Variants in SHROOM4 observed in about 807,000 individuals in gnomAD.
SHROOM4 encodes shroom family member 4.
SHROOM4 carries 17 observed loss-of-function variants against 80.3 expected under a neutral mutation model. That is an observed-to-expected ratio of 0.21 (90% confidence interval 0.14 to 0.32). The LOEUF (loss-of-function observed/expected upper bound fraction) is 0.32, where lower values mean the gene tolerates loss of function less well. Ranked by LOEUF, SHROOM4 falls within the 10% of genes least tolerant of loss-of-function variation. SHROOM4 has a pLI of 1.00. For synonymous variants in SHROOM4, 400 were observed against 437.5 expected (o/e 0.91, Z 1.07); for missense variants, 993 against 1,140.3 (o/e 0.87, Z 1.86).
intron 1 of SHROOM4, among the ~76,000 whole-genome samples, chrX:50,806,420 T>C (rs1026470003): frequency 1.5e-4 from 17 of 112,186 alleles, no homozygotes; most frequent in African/African-American, 5.5e-4. Context: ...GAAGAATGGA[T>C]CATCCGTTGC....
At chrX:50,641,555 GT>G (rs1413133534) in intron 2 of SHROOM4, among the ~76,000 whole-genome samples, 5 of 111,165 alleles carry the variant, frequency 4.5e-5, no homozygotes, top group African/African-American at 1.6e-4. Flanking sequence ...CACTGTTGAG[GT>G]TCTACTGTAC....
chrX:50,779,637 A>G (rs1935581286), intron 1 of SHROOM4, among the ~76,000 whole-genome samples: 1 of 111,610 alleles, frequency 9.0e-6, no homozygotes, highest in Non-Finnish European at 1.9e-5. Context: ...ATGTACAGAT[A>G]TTCCTAAGCT....
At chrX:50,626,731 A>G (rs1930821314) in intron 5 of SHROOM4, among the ~76,000 whole-genome samples, 1 of 111,977 alleles carries the variant, frequency 8.9e-6, no homozygotes, top group Admixed American at 9.5e-5. Context: ...GATAAAGCAT[A>G]AGATAATATG....
chrX:50,609,892 T>C (rs1294687555), intron 5 of SHROOM4, among the ~76,000 whole-genome samples: 1 of 110,904 alleles, frequency 9.0e-6, no homozygotes, highest in African/African-American at 3.3e-5. Flanking sequence ...AACTTCTGTA[T>C]AATAAACACT....
At chrX:50,682,397 C>T (rs1307328402) in intron 2 of SHROOM4, among the ~76,000 whole-genome samples, 1 of 111,629 alleles carries the variant, frequency 9.0e-6, no homozygotes, top group African/African-American at 3.3e-5. Flanking sequence ...ACTGCCCTTG[C>T]CTGGCATACA....
chrX:50,808,826 G>A (rs991106330), intron 1 of SHROOM4, among the ~76,000 whole-genome samples: 9 of 110,626 alleles, frequency 8.1e-5, no homozygotes, highest in African/African-American at 2.6e-4. Context: ...TTTGGAGAGG[G>A]AAAATCCTCT....
At chrX:50,699,084 A>C (rs1557263332) in intron 1 of SHROOM4, among the ~76,000 whole-genome samples, 1 of 112,028 alleles carries the variant, frequency 8.9e-6, no homozygotes, top group African/African-American at 3.2e-5. Context: ...TTTCAGTTGA[A>C]GTGTTGTGAA....
In SHROOM4 at chrX:50,791,344, C is replaced by A. The variant is rs1170792409; in HGVS notation, c.117+22558G>T. On this transcript the variant is annotated intron_variant, in intron 1 of 8. Transcript: ENST00000376020. ...AATAAGACATTCATGCTAATGAATG[C>A]AAGACTTATTGTTAAAATGTCCATA... 2.7e-5 allele frequency among the ~76,000 whole-genome samples: 3 copies of A among 110,711 alleles called. 1 individual carries two copies. Among genetic ancestry groups the A allele is most frequent in the Admixed American group, 9.6e-5 (1 of 10,446 alleles).
At chrX:50,602,391 C>G (rs1929468813) in intron 7 of SHROOM4, among the ~76,000 whole-genome samples, 2 of 111,090 alleles carry the variant, frequency 1.8e-5, no homozygotes, top group African/African-American at 6.6e-5. Flanking sequence ...CGTGCCCAGC[C>G]CTTGTTGGGT....
the SHROOM4 span, among the ~76,000 whole-genome samples, chrX:50,581,786 A>G: frequency 8.9e-6 from 1 of 111,906 alleles, no homozygotes; most frequent in Non-Finnish European, 1.9e-5. Flanking sequence ...ACACTACTGA[A>G]ACCATGCAAA....
intron 1 of SHROOM4, among the ~76,000 whole-genome samples, chrX:50,813,498 G>A (rs1936392768): frequency 1.8e-5 from 2 of 112,552 alleles, no homozygotes; most frequent in South Asian, 7.3e-4. Context: ...TGCCAAGAGA[G>A]CTGCCAAGCC....
rs1457808382 is a variant in SHROOM4, at chrX:50,588,952, C to T, written c.*7743G>A. ...AAATTGGTAGAATCAGGATTTAAAA[C>T]TTGGTTTATTTGCCCAATGAGCCGA... On this transcript the variant is annotated 3_prime_UTR_variant, in exon 9 of 9. Coordinates refer to ENST00000376020, the MANE Select transcript of SHROOM4 (RefSeq NM_020717.5). 8.9e-6 allele frequency among the ~76,000 whole-genome samples: 1 copy of T among 111,889 alleles called. No individual in the cohort carries two copies. The highest frequency in any genetic ancestry group is 3.2e-5 in the African/African-American group (1 of 30,827).
At chrX:50,621,841 T>C (rs782605263) in intron 5 of SHROOM4, among the ~76,000 whole-genome samples, 1 of 111,596 alleles carries the variant, frequency 9.0e-6, no homozygotes, top group African/African-American at 3.3e-5. Context: ...AGGAACTCTG[T>C]ACCGGGTATT....
In SHROOM4 at chrX:50,807,901, T is replaced by A. The variant is rs147344444; in HGVS notation, c.117+6001A>T. On this transcript the variant is annotated intron_variant, in intron 1 of 8. Coordinates refer to ENST00000376020, the MANE Select transcript of SHROOM4 (RefSeq NM_020717.5). ...TTTGACACAGGGCCTTGGTATGACA[T>A]GGCCGCCAGAAAGAGCCAAAGTGAT... is the stretch of plus-strand genomic sequence containing the variant. Among the ~76,000 whole-genome samples the A allele has an allele frequency of 4.9e-3, 547 of 111,846 alleles. 3 individuals carry two copies. The highest frequency in any genetic ancestry group is 0.017 in the African/African-American group (519 of 30,745).
chrX:50,672,701 G>A (rs1489913830), intron 2 of SHROOM4, among the ~76,000 whole-genome samples: 3 of 110,848 alleles, frequency 2.7e-5, no homozygotes, highest in Non-Finnish European at 3.8e-5. Context: ...AATCCCAACA[G>A]GATAAACCCA....
intron 5 of SHROOM4, among the ~76,000 whole-genome samples, chrX:50,618,678 G>C (rs782655447): frequency 2.2e-4 from 25 of 111,488 alleles, no homozygotes; most frequent in African/African-American, 8.2e-4. Flanking sequence ...GTGAGCCACC[G>C]CACCCAGTCG....
chrX:50,655,451 C>CT (rs1351994540), intron 2 of SHROOM4, among the ~76,000 whole-genome samples: 2 of 106,608 alleles, frequency 1.9e-5, no homozygotes, highest in Admixed American at 1.0e-4. Flanking sequence ...GGATTTCCTT[C>CT]TTTTTTATGG....
chrX:50,665,915 T>A (rs1442464966), intron 2 of SHROOM4, among the ~76,000 whole-genome samples: 1 of 111,681 alleles, frequency 9.0e-6, no homozygotes, highest in South Asian at 3.8e-4. Context: ...TCATTCTGGA[T>A]TGAAATCCCT....
At chrX:50,697,796 G>GA (rs1272359052) in intron 1 of SHROOM4, among the ~76,000 whole-genome samples, 2 of 111,027 alleles carry the variant, frequency 1.8e-5, no homozygotes, top group East Asian at 2.8e-4. Context: ...CTACCGCCAA[G>GA]AAAAAAAGAG....
Sources: gnomAD v4.1 joint callset for allele counts (sites outside exome capture counted in the v4.1 genomes callset) on GRCh38, gnomAD v4.1.1 for gene constraint, MANE v1.5 for transcripts, NCBI Gene and HGNC (gene_info 2026-07-23, HGNC 2026-07-21) for gene names.